Variants in EPB41L2 observed in about 807,000 individuals in gnomAD.
EPB41L2 encodes the protein band 4.1-like protein 2.
EPB41L2 carries 43 observed loss-of-function variants against 113.0 expected under a neutral mutation model. The ratio of observed to expected loss-of-function variants is 0.38; its 90% CI spans 0.30 to 0.49. The LOEUF is 0.49. Among genes scored for constraint, EPB41L2 ranks in the 20% least tolerant of loss-of-function variants. The pLI, the probability that EPB41L2 is intolerant of heterozygous loss-of-function variation, is 0.95. For synonymous variants in EPB41L2, 442 were observed against 436.7 expected (o/e 1.01, Z -0.15); for missense variants, 1,147 against 1,223.4 (o/e 0.94, Z 0.93).
chr6:130,975,055 G>A (rs1777902230), intron 1 of EPB41L2, among the ~76,000 whole-genome samples: 2 of 152,156 alleles, frequency 1.3e-5, no homozygotes, highest in Non-Finnish European at 1.5e-5. Flanking sequence ...GAGGTTACTT[G>A]ATGGGTTATT....
intron 14 of EPB41L2, among the ~76,000 whole-genome samples, chr6:130,874,318 T>C (rs535363631): frequency 2.0e-5 from 3 of 152,160 alleles, no homozygotes; most frequent in South Asian, 2.1e-4. Flanking sequence ...TAAAAGCCCA[T>C]ATTATAGAAA....
At chr6:131,001,470 C>T (rs147464685) in intron 1 of EPB41L2, among the ~76,000 whole-genome samples, 17 of 152,208 alleles carry the variant, frequency 1.1e-4, no homozygotes, top group African/African-American at 4.1e-4. Flanking sequence ...GCGCAGAGTG[C>T]TGCCAGAAAA....
intron 1 of EPB41L2, among the ~76,000 whole-genome samples, chr6:131,027,394 G>A (rs1274266318): frequency 8.7e-6 from 1 of 115,202 alleles, no homozygotes; most frequent in Non-Finnish European, 1.8e-5. Flanking sequence ...AATAAAAGCT[G>A]ACAATAAGGC....
At chr6:130,908,929 T>C in intron 4 of EPB41L2, 66 bp from the exon 5 acceptor site, 1 of 1,260,218 alleles carries the variant, frequency 7.9e-7, no homozygotes, top group Non-Finnish European at 1.1e-6. Context: ...CAGTTTACAG[T>C]TCACATAATT....
At chr6:130,878,823 G>A (rs1183225153) in intron 13 of EPB41L2, among the ~76,000 whole-genome samples, 1 of 152,192 alleles carries the variant, frequency 6.6e-6, no homozygotes, top group African/African-American at 2.4e-5. Context: ...AAATTCCAGT[G>A]ATGGCTTTTA....
intron 1 of EPB41L2, among the ~76,000 whole-genome samples, chr6:130,986,985 G>T (rs988548143): frequency 6.6e-6 from 1 of 152,108 alleles, no homozygotes; most frequent in Non-Finnish European, 1.5e-5. Context: ...ATGGATTCTT[G>T]TATGTGGCCT....
At chr6:130,864,831 AC>A (rs1263626294) in intron 17 of EPB41L2, among the ~76,000 whole-genome samples, 1 of 152,236 alleles carries the variant, frequency 6.6e-6, no homozygotes, top group African/African-American at 2.4e-5. Flanking sequence ...CACAAGGGAC[AC>A]CTTTAAGACC....
chr6:130,890,136 C>A (rs1458619313), intron 11 of EPB41L2, among the ~76,000 whole-genome samples, 158 bp downstream of exon 11: 2 of 152,044 alleles, frequency 1.3e-5, no homozygotes, highest in Non-Finnish European at 2.9e-5. Context: ...CAAAATTATT[C>A]TCTTGTAGGT....
At chr6:130,863,817 TC>T in intron 17 of EPB41L2, 99 bp from the exon 18 acceptor site, 1 of 731,444 alleles carries the variant, frequency 1.4e-6, no homozygotes, top group Non-Finnish European at 2.4e-6. Flanking sequence ...GACCTGTGGA[TC>T]ATTGTAAGGC....
intron 1 of EPB41L2, among the ~76,000 whole-genome samples, chr6:130,983,890 T>C (rs1356270418): frequency 6.6e-6 from 1 of 152,176 alleles, no homozygotes; most frequent in Non-Finnish European, 1.5e-5. Flanking sequence ...AATATTTTTA[T>C]TCAATGAATT....
intron 3 of EPB41L2, among the ~76,000 whole-genome samples, chr6:130,931,808 T>C (rs982448603): frequency 2.6e-5 from 4 of 152,030 alleles, no homozygotes; most frequent in African/African-American, 9.7e-5. Context: ...TTCTGGTATG[T>C]TCCATCTTTC....
At chr6:130,961,441 CT>C (rs971349311) in intron 1 of EPB41L2, among the ~76,000 whole-genome samples, 2 of 152,060 alleles carry the variant, frequency 1.3e-5, no homozygotes, top group African/African-American at 2.4e-5. Context: ...TAAACCCATT[CT>C]TTTTTTTCCA....
intron 19 of EPB41L2, among the ~76,000 whole-genome samples, chr6:130,844,956 C>T (rs1010341447): frequency 2.0e-5 from 3 of 152,134 alleles, no homozygotes; most frequent in African/African-American, 7.2e-5. Flanking sequence ...GCAGGAGAAT[C>T]GCTTGAACCC....
chr6:131,043,069 C>A (rs951777348), intron 1 of EPB41L2, among the ~76,000 whole-genome samples: 4 of 152,120 alleles, frequency 2.6e-5, no homozygotes, highest in African/African-American at 9.7e-5. Context: ...GAGGCCGAGG[C>A]AGGCAGATTA....
At chr6:131,034,863 A>G (rs1792972095) in intron 1 of EPB41L2, among the ~76,000 whole-genome samples, 1 of 152,248 alleles carries the variant, frequency 6.6e-6, no homozygotes. Context: ...TCAAAAGAAC[A>G]AACAAGACTA....
At chr6:131,011,695 C>A (rs1787020326) in intron 1 of EPB41L2, among the ~76,000 whole-genome samples, 1 of 152,142 alleles carries the variant, frequency 6.6e-6, no homozygotes, top group Non-Finnish European at 1.5e-5. Context: ...TGGCTTCTCT[C>A]CCACCCCAAG....
rs201389745 is a variant in EPB41L2, at chr6:131,051,465, AAC to A, written c.-15+11688_-15+11689del. The stretch of plus-strand genomic sequence containing the variant: ...ACAAAAGTAAAGCAAAAAAAAAAAA[AAC>A]ACACACACACACACACACAACAGCA... On this transcript the variant is annotated intron_variant, in intron 1 of 19. Transcript: ENST00000337057. Among the ~76,000 whole-genome samples the A allele has an allele frequency of 9.5e-4, 136 of 143,588 alleles. 2 individuals are homozygous for A. Among genetic ancestry groups the A allele is most frequent in the Non-Finnish European group, 1.3e-3 (89 of 66,806 alleles). 94.2% of individuals were successfully genotyped at this position (143,588 alleles called of 152,430 possible).
At chr6:131,017,041 T>C (rs1379618503) in intron 1 of EPB41L2, among the ~76,000 whole-genome samples, 1 of 152,166 alleles carries the variant, frequency 6.6e-6, no homozygotes, top group Admixed American at 6.5e-5. Flanking sequence ...AATTGTGTGT[T>C]GGAAAAACAC....
At chr6:131,027,994 G>A (rs1791250719) in intron 1 of EPB41L2, among the ~76,000 whole-genome samples, 4 of 152,044 alleles carry the variant, frequency 2.6e-5, no homozygotes, top group Admixed American at 2.6e-4. Flanking sequence ...GCAAATACCA[G>A]TAAACAGAAA....
Sources: gnomAD v4.1 joint callset for allele counts (sites outside exome capture counted in the v4.1 genomes callset) on GRCh38, gnomAD v4.1.1 for gene constraint, MANE v1.5 for transcripts, NCBI Gene and HGNC (gene_info 2026-07-23, HGNC 2026-07-21) for gene names.